The following ABCA3 variants were observed in gnomAD, a reference collection of about 807,000 sequenced individuals.
ABCA3 encodes the protein ATP binding cassette subfamily A member 3.
A neutral mutation model predicts 172.8 loss-of-function variants in ABCA3; 88 were observed. That is an observed-to-expected ratio of 0.51 (90% CI 0.43 to 0.61). ABCA3 has a LOEUF of 0.61. ABCA3 is among the 20% of genes least tolerant of loss of function. ABCA3 has a pLI of 0.00. For missense variants in ABCA3, 2,164 were observed against 2,301.0 expected, an observed-to-expected ratio of 0.94 and a Z score of 1.22; for synonymous variants, 1,066 against 983.8, an observed-to-expected ratio of 1.08 and a Z score of -1.56.
At position 2,277,933 on chromosome 16, in the gene ABCA3, C is replaced by G; in HGVS notation, c.4855G>C (p.Gly1619Arg). Residue 1619 changes from glycine (G) to arginine (R), a missense_variant, in exon 31 of 33, where the codon GGG (glycine) becomes CGG (arginine). Physicochemically the swap from Gly to Arg is moderately radical, Grantham distance 125. Transcript: ENST00000301732. This position sits in a 1 kb window ranked among gnomAD's most constrained non-coding sequence, Gnocchi z 5.3. Reference sequence around the variant, plus strand: ...AACTCCTCCAGCGCCTCCTGTTGCCCTTCACTCTGCACCTTGGCCCGCAGG... The same window carrying G: ...AACTCCTCCAGCGCCTCCTGTTGCCGTTCACTCTGCACCTTGGCCCGCAGG... ...YSLRAKVQSE[G>R]QQEALEEFKA... The G allele has an allele frequency of 6.2e-7, 1 of 1,611,728 alleles. No individual in the cohort carries two copies. Among genetic ancestry groups the G allele is most frequent in the African/African-American group, 1.3e-5 (1 of 75,010 alleles).
intron 10 of ABCA3, among the ~76,000 whole-genome samples, chr16:2,311,415 C>A (rs112245223): frequency 6.6e-6 from 1 of 152,156 alleles, no homozygotes; most frequent in East Asian, 1.9e-4. Flanking sequence ...ACCATGCAAG[C>A]GCCACTGAAC....
intron 1 of ABCA3, among the ~76,000 whole-genome samples, chr16:2,330,249 T>C (rs995113455): frequency 3.6e-5 from 5 of 140,464 alleles, no homozygotes; most frequent in African/African-American, 1.1e-4. Flanking sequence ...ACCGAGATGG[T>C]GCTAACTCAG....
At chr16:2,289,694 G>A in intron 19 of ABCA3, 74 bp from the exon 20 acceptor site, 1 of 1,483,710 alleles carries the variant, frequency 6.7e-7, no homozygotes, top group Non-Finnish European at 9.1e-7. Context: ...ATGGTTAGAG[G>A]CACTGAGGGG....
chr16:2,278,272 C>T lies in ABCA3; in HGVS notation c.4718+16G>A, dbSNP rs372436392. ...CGGTGCTGAAACTTCCAGTAACCCA[C>T]AGACCCAGGCTCTACCTGTGGGAGG... On this transcript the variant is annotated intron_variant, in intron 30 of 32. Coordinates refer to ENST00000301732, the MANE Select transcript of ABCA3 (RefSeq NM_001089.3). The surrounding 1 kb of genome is among the most constrained non-coding windows in gnomAD (Gnocchi z 4.4). The T allele has an allele frequency of 6.2e-7, 1 of 1,605,996 alleles. No individual in the cohort carries two copies. Among genetic ancestry groups the T allele is most frequent in the Non-Finnish European group, 8.5e-7 (1 of 1,179,970 alleles).
intron 7 of ABCA3, among the ~76,000 whole-genome samples, chr16:2,321,178 G>A (rs1316279956): frequency 6.6e-6 from 1 of 152,106 alleles, no homozygotes; most frequent in Non-Finnish European, 1.5e-5. Context: ...AGCAGCCAGT[G>A]TCCCCTCCTG....
intron 1 of ABCA3, chr16:2,332,412 C>T (rs960599167): frequency 1.7e-6 from 2 of 1,196,810 alleles, no homozygotes; most frequent in Non-Finnish European, 2.5e-6. Flanking sequence ...TCCGGTCATA[C>T]AGGATGAGGA....
rs1281805915 is a variant in ABCA3 at position 2,279,178 on chromosome 16, T to G, written c.4360-48A>C. 4 of 1,598,130 alleles carry G rather than the reference T, an allele frequency of 2.5e-6. No homozygotes were observed. Among genetic ancestry groups the G allele is most frequent in the East Asian group, 2.2e-5 (1 of 44,756 alleles). ...GAGGGAGGCGGGTTGGAGGGAAGCC[T>G]CCTTCCTCCAGAGGACCACGGGGAC... On this transcript the variant is annotated intron_variant, in intron 28 of 32. Coordinates refer to ENST00000301732, the MANE Select transcript of ABCA3 (RefSeq NM_001089.3). The surrounding 1 kb of genome is among the most constrained non-coding windows in gnomAD (Gnocchi z 4.4).
intron 18 of ABCA3, among the ~76,000 whole-genome samples, chr16:2,294,939 T>A (rs1160324167): frequency 6.6e-6 from 1 of 152,112 alleles, no homozygotes; most frequent in Non-Finnish European, 1.5e-5. Flanking sequence ...GCTGAGATTG[T>A]GCCACTGCAC....
chr16:2,308,770 C>G (rs2093701990), intron 10 of ABCA3, 147 bp from the exon 11 acceptor site: 1 of 884,338 alleles, frequency 1.1e-6, no homozygotes, highest in Admixed American at 2.1e-5. Flanking sequence ...GACACAAGCT[C>G]CAGCACGGGG....
chr16:2,296,778 A>T (rs1267645535), intron 17 of ABCA3, among the ~76,000 whole-genome samples: 1 of 152,188 alleles, frequency 6.6e-6, no homozygotes, highest in East Asian at 1.9e-4. Context: ...GTTGCCACTC[A>T]GTCACTAGGG....
intron 14 of ABCA3, 138 bp downstream of exon 14, chr16:2,299,265 A>G (rs1186338596): frequency 7.9e-6 from 10 of 1,269,308 alleles, no homozygotes; most frequent in African/African-American, 2.9e-5. Flanking sequence ...CTGGGCCTGC[A>G]GGGCTGAGGT....
rs146326337 is a variant in ABCA3, at chr16:2,319,637, A to G, written c.817T>C (p.Tyr273His). The change falls in exon 8 of 33, where the codon TAC (tyrosine) becomes CAC (histidine). Residue 273 changes from tyrosine (Y) to histidine (H), a missense_variant. Transcript: ENST00000301732. Reference protein sequence around the residue: ...LPLLLLLSFTYTALTIARAVV... With the variant: ...LPLLLLLSFTHTALTIARAVV... The stretch of plus-strand genomic sequence containing the variant: ...GCACGGGCAATGGTGAGCGCGGTGT[A>G]GGTGAAGCTGAGCAGCAGCAGCAGG... 4 of 1,613,638 alleles carry G rather than the reference A, an allele frequency of 2.5e-6. No individual in the cohort carries two copies. The highest frequency in any genetic ancestry group is 2.2e-5 in the East Asian group (1 of 44,874).
At chr16:2,329,986 A>G (rs2093740500) in intron 1 of ABCA3, 132 bp from the exon 2 acceptor site, 1 of 152,178 alleles carries the variant, frequency 6.6e-6, no homozygotes, top group Non-Finnish European at 1.5e-5. Context: ...CTGATAAAAA[A>G]TTTTGGATTT....
At chr16:2,276,940 C>A in intron 32 of ABCA3, 135 bp from the exon 33 acceptor site, 1 of 1,333,978 alleles carries the variant, frequency 7.5e-7, no homozygotes, top group Non-Finnish European at 1.0e-6. Context: ...CCCAGAGCCC[C>A]AGAGAGGTCA....
At chr16:2,323,733 A>G (rs760281857) in intron 6 of ABCA3, 45 bp from the exon 7 acceptor site, 72 of 1,612,326 alleles carry the variant, frequency 4.5e-5, no homozygotes, top group Non-Finnish European at 6.0e-5. Flanking sequence ...AGATCCAGAC[A>G]GAGGGGCAAA....
rs144870461 is a variant in ABCA3, at chr16:2,315,330, A to G, written c.1111+1953T>C. 3.4e-3 allele frequency among the ~76,000 whole-genome samples: 521 copies of G among 152,250 alleles called. 5 individuals are homozygous for G. The highest frequency in any genetic ancestry group is 0.011 in the African/African-American group (477 of 41,556). ...CCCTCAGATCGAAATGTTCATAAAG[A>G]AAAATCACACCTAGACTTTTGGCAG... On this transcript the variant is annotated intron_variant, in intron 10 of 32. Transcript: ENST00000301732.
At chr16:2,338,133 A>T (rs1054088630) in intron 1 of ABCA3, among the ~76,000 whole-genome samples, 3 of 152,108 alleles carry the variant, frequency 2.0e-5, no homozygotes, top group African/African-American at 7.2e-5. Flanking sequence ...GTAACCATGG[A>T]TGTTCTCCAA....
Position 2,297,459 on chromosome 16 carries a change from T to C in ABCA3, c.2133A>G (p.Lys711=), listed in dbSNP as rs780038462. 1 of 1,613,704 alleles carries C rather than the reference T, an allele frequency of 6.2e-7. No homozygotes were observed. The highest frequency in any genetic ancestry group is 8.5e-7 in the Non-Finnish European group (1 of 1,180,004). ...RAIWDLLQRQ[K]SDRTIVLTTH... is the part of the protein sequence containing the mutation. Reference sequence around the variant, plus strand: ...TGGTCAGCACGATGGTGCGGTCACTTTTCTGCCGCTGAAGAAGATCCCAGA... The same window carrying C: ...TGGTCAGCACGATGGTGCGGTCACTCTTCTGCCGCTGAAGAAGATCCCAGA... Residue 711 remains lysine (K), a synonymous_variant, in exon 17 of 33, where the codon AAA becomes AAG. Coordinates refer to ENST00000301732, the MANE Select transcript of ABCA3 (RefSeq NM_001089.3). This position sits in a 1 kb window ranked among gnomAD's most constrained non-coding sequence, Gnocchi z 5.6.
chr16:2,298,483 T>C lies in ABCA3; in HGVS notation c.1799A>G (p.Asp600Gly), dbSNP rs757978835. 20 of 1,613,898 alleles carry C rather than the reference T, an allele frequency of 1.2e-5. No individual in the cohort carries two copies. The highest frequency in any genetic ancestry group is 1.6e-5 in the Non-Finnish European group (19 of 1,180,032). Residue 600 changes from aspartate to glycine, a missense_variant, in exon 15 of 33, where the codon GAC becomes GGC. This residue lies in a region of ABCA3 where 1,343 missense variants were observed against 1,369.6 expected (regional missense o/e 0.98). Coordinates refer to ENST00000301732, the MANE Select transcript of ABCA3 (RefSeq NM_001089.3). ...CAGGCTCTTCCGGATCTGAACCATG[T>C]CCTGGGAAATTTCATACCCGCTGAT... is the stretch of plus-strand genomic sequence containing the variant. ...AYISGYEISQDMVQIRKSLGL... is the reference protein window; with the variant it reads ...AYISGYEISQGMVQIRKSLGL...
Sources: gnomAD v4.1 joint callset for allele counts (sites outside exome capture counted in the v4.1 genomes callset) on GRCh38, gnomAD v4.1.1 for gene constraint, gnomAD v4.1.1 regional missense constraint, Gnocchi (gnomAD v3.1) non-coding constraint, MANE v1.5 for transcripts, NCBI Gene and HGNC (gene_info 2026-07-23, HGNC 2026-07-21) for gene names.